Variants in SLC24A2 observed in about 807,000 individuals in gnomAD.
SLC24A2 encodes solute carrier family 24 member 2, also known as sodium/potassium/calcium exchanger 2.
SLC24A2 carries 36 observed loss-of-function variants against 62.0 expected under a neutral mutation model. The ratio of observed to expected loss-of-function variants is 0.58; its 90% CI spans 0.44 to 0.77. SLC24A2 has a LOEUF of 0.77. SLC24A2 is among the 30% of genes least tolerant of loss of function. The pLI, the probability that SLC24A2 is intolerant of heterozygous loss-of-function variation, is 0.00. For missense variants in SLC24A2, 846 were observed against 817.9 expected, an observed-to-expected ratio of 1.03 and a Z score of -0.42; for synonymous variants, 358 against 294.0, an observed-to-expected ratio of 1.22 and a Z score of -2.23.
At chr9:20,069,621 G>A in the SLC24A2 span, among the ~76,000 whole-genome samples, 2 of 152,084 alleles carry the variant, frequency 1.3e-5, no homozygotes, top group African/African-American at 4.8e-5. Context: ...GATATCTATG[G>A]TAATAATTAG....
intron 2 of SLC24A2, among the ~76,000 whole-genome samples, chr9:19,777,493 T>C (rs796421121): frequency 1.9e-4 from 29 of 152,266 alleles, no homozygotes; most frequent in South Asian, 1.2e-3. Context: ...ATGTTAAATA[T>C]TGCAATAAAT....
chr9:19,966,359 T>G, the SLC24A2 span, among the ~76,000 whole-genome samples: 1 of 152,204 alleles, frequency 6.6e-6, no homozygotes, highest in East Asian at 1.9e-4. Context: ...AATAATGGTG[T>G]AAAACTTAAC....
the SLC24A2 span, among the ~76,000 whole-genome samples, chr9:19,913,715 A>G: frequency 6.6e-6 from 1 of 152,202 alleles, no homozygotes; most frequent in East Asian, 1.9e-4. Context: ...ACTTTATGCC[A>G]GGAACTTTGC....
chr9:19,894,510 T>C, the SLC24A2 span, among the ~76,000 whole-genome samples: 1 of 150,164 alleles, frequency 6.7e-6, no homozygotes, highest in Non-Finnish European at 1.5e-5. Flanking sequence ...GCCAATTTTG[T>C]TTTTTTTTAT....
At chr9:19,915,971 T>G in the SLC24A2 span, among the ~76,000 whole-genome samples, 64,639 of 151,880 alleles carry the variant, frequency 0.43, 14,761 homozygotes, top group Non-Finnish European at 0.52. Flanking sequence ...TTAAAAACTG[T>G]TGCCTAACCA....
At chr9:19,838,444 T>C in the SLC24A2 span, among the ~76,000 whole-genome samples, 1 of 138,344 alleles carries the variant, frequency 7.2e-6, no homozygotes, top group Middle Eastern at 3.7e-3. Context: ...ACTTAAATGT[T>C]AGACCTAAAA....
chr9:20,290,471 A>C, the SLC24A2 span, among the ~76,000 whole-genome samples: 1 of 152,184 alleles, frequency 6.6e-6, no homozygotes, highest in Non-Finnish European at 1.5e-5. Context: ...TTCTCTAAGC[A>C]GTTGCTGATA....
At chr9:19,562,002 C>T (rs893899429) in intron 7 of SLC24A2, among the ~76,000 whole-genome samples, 3 of 152,108 alleles carry the variant, frequency 2.0e-5, no homozygotes, top group Admixed American at 6.5e-5. Context: ...TTCCGAGAGG[C>T]CAAGAAACCA....
chr9:20,273,724 G>T, the SLC24A2 span, among the ~76,000 whole-genome samples: 3 of 152,126 alleles, frequency 2.0e-5, no homozygotes, highest in Admixed American at 6.5e-5. Flanking sequence ...TCTCAGGTAT[G>T]TCTTTATTAG....
the SLC24A2 span, among the ~76,000 whole-genome samples, chr9:19,953,841 T>C: frequency 1.3e-5 from 2 of 152,072 alleles, no homozygotes; most frequent in African/African-American, 4.8e-5. Context: ...TGGCAACTGC[T>C]AAAAACCCAG....
intron 2 of SLC24A2, among the ~76,000 whole-genome samples, chr9:19,725,202 C>T (rs1255238870): frequency 6.6e-6 from 1 of 152,150 alleles, no homozygotes; most frequent in Non-Finnish European, 1.5e-5. Context: ...CGCTAAAGAT[C>T]CACAGTGCTC....
chr9:19,794,513 C>T, the SLC24A2 span, among the ~76,000 whole-genome samples: 1 of 151,200 alleles, frequency 6.6e-6, no homozygotes, highest in East Asian at 2.0e-4. Flanking sequence ...ATTATCTGTA[C>T]ATCAAACCCC....
chr9:20,263,415 T>C, the SLC24A2 span, among the ~76,000 whole-genome samples: 2 of 152,078 alleles, frequency 1.3e-5, no homozygotes, highest in African/African-American at 4.8e-5. Context: ...CACCTGGCTA[T>C]TTTTTAAATT....
chr9:19,656,983 G>C (rs999936473), intron 2 of SLC24A2, among the ~76,000 whole-genome samples: 2 of 152,178 alleles, frequency 1.3e-5, no homozygotes, highest in African/African-American at 2.4e-5. Flanking sequence ...CCTGCCTTCT[G>C]TCTGACGACA....
At chr9:20,073,284 G>T in the SLC24A2 span, among the ~76,000 whole-genome samples, 5 of 152,142 alleles carry the variant, frequency 3.3e-5, no homozygotes, top group African/African-American at 1.2e-4. Flanking sequence ...TGGGGAGAGG[G>T]TCTCTGGCTT....
chr9:20,179,866 A>G, the SLC24A2 span, among the ~76,000 whole-genome samples: 2 of 152,204 alleles, frequency 1.3e-5, no homozygotes, highest in Admixed American at 6.5e-5. Flanking sequence ...GCTAAAAATT[A>G]TTGAACAGAA....
the SLC24A2 span, among the ~76,000 whole-genome samples, chr9:20,171,973 A>C: frequency 6.6e-6 from 1 of 152,052 alleles, no homozygotes; most frequent in Non-Finnish European, 1.5e-5. Flanking sequence ...CCACAGTACA[A>C]GCCTCAATAA....
At chr9:20,178,367 TTTA>T in the SLC24A2 span, among the ~76,000 whole-genome samples, 1 of 152,238 alleles carries the variant, frequency 6.6e-6, no homozygotes, top group Admixed American at 6.5e-5. Context: ...TGCAAAGGGC[TTTA>T]TTATTACCAG....
In SLC24A2 at chr9:19,566,463, C is replaced by G. The variant is rs1406973052; in HGVS notation, c.1347+6888G>C. 2.0e-5 allele frequency among the ~76,000 whole-genome samples: 3 copies of G among 149,696 alleles called. No homozygotes were observed. The Admixed American group carries it at 2.0e-4, about 10-fold the overall frequency. ...CAATCATTAAAAAGTCAGGAAACAA[C>G]AGGTGCTGGAGAGGATGTGGAGAAA... On this transcript the variant is annotated intron_variant, in intron 7 of 10. Transcript: ENST00000341998.
Sources: gnomAD v4.1 joint callset for allele counts (sites outside exome capture counted in the v4.1 genomes callset) on GRCh38, gnomAD v4.1.1 for gene constraint, MANE v1.5 for transcripts, NCBI Gene and HGNC (gene_info 2026-07-23, HGNC 2026-07-21) for gene names.